The following LUZP2 variants were observed in gnomAD, a reference collection of about 807,000 sequenced individuals.
The protein encoded by LUZP2 is leucine zipper protein 2.
LUZP2 carries 52 observed loss-of-function variants against 51.6 expected under a neutral mutation model. The observed-to-expected ratio is 1.01, with a 90% CI of 0.81 to 1.27. The LOEUF (loss-of-function observed/expected upper bound fraction) is 1.27, where lower values mean the gene tolerates loss of function less well. Ranked by LOEUF, LUZP2 falls within the 50% of genes most tolerant of loss-of-function variation. LUZP2 has a pLI of 0.00. For synonymous variants in LUZP2, 154 were observed against 137.3 expected, an observed-to-expected ratio of 1.12 and a Z score of -0.85; for missense variants, 436 against 395.4, an observed-to-expected ratio of 1.10 and a Z score of -0.87.
chr11:24,816,089 C>G (rs180698214), intron 5 of LUZP2, among the ~76,000 whole-genome samples: 9 of 149,664 alleles, frequency 6.0e-5, no homozygotes, highest in Admixed American at 4.7e-4. Context: ...CCTTAGTTTT[C>G]TTTGTATAAG....
intron 4 of LUZP2, among the ~76,000 whole-genome samples, chr11:24,761,693 A>G (rs1042362339): frequency 6.6e-6 from 1 of 152,164 alleles, no homozygotes; most frequent in African/African-American, 2.4e-5. Flanking sequence ...CTTCACCTTG[A>G]TTAATTTAGT....
At chr11:24,730,508 A>G (rs1858675186) in intron 2 of LUZP2, among the ~76,000 whole-genome samples, 1 of 151,832 alleles carries the variant, frequency 6.6e-6, no homozygotes. Flanking sequence ...TGCACAGAGC[A>G]TTAGGGAAAA....
intron 7 of LUZP2, among the ~76,000 whole-genome samples, chr11:24,917,192 CT>C (rs1853816763): frequency 6.6e-6 from 1 of 151,864 alleles, no homozygotes; most frequent in Admixed American, 6.6e-5. Context: ...TTGTTTTTTT[CT>C]TGTAAATTTG....
intron 1 of LUZP2, among the ~76,000 whole-genome samples, chr11:24,515,794 G>A (rs1850446101): frequency 1.3e-5 from 2 of 152,140 alleles, no homozygotes; most frequent in African/African-American, 4.8e-5. Flanking sequence ...AAAACAGCAG[G>A]CTCTGTGCAT....
chr11:24,629,708 C>G (rs1290779650), intron 1 of LUZP2, among the ~76,000 whole-genome samples: 3 of 151,602 alleles, frequency 2.0e-5, no homozygotes, highest in African/African-American at 4.8e-5. Context: ...TGGATAGATA[C>G]CCAGTAGTGG....
chr11:24,591,863 C>A (rs1853272837), intron 1 of LUZP2, among the ~76,000 whole-genome samples: 1 of 152,134 alleles, frequency 6.6e-6, no homozygotes, highest in African/African-American at 2.4e-5. Flanking sequence ...ATATGCATTT[C>A]TAAGATATTC....
At chr11:24,624,483 A>G (rs1590258216) in intron 1 of LUZP2, among the ~76,000 whole-genome samples, 1 of 152,192 alleles carries the variant, frequency 6.6e-6, no homozygotes, top group Non-Finnish European at 1.5e-5. Flanking sequence ...AAGTCAAAGT[A>G]TAAAACATAT....
intron 5 of LUZP2, among the ~76,000 whole-genome samples, chr11:24,887,633 G>T (rs972549759): frequency 2.6e-5 from 4 of 152,152 alleles, no homozygotes; most frequent in African/African-American, 4.8e-5. Flanking sequence ...CCCTAGTTCT[G>T]ACATGAGAAA....
At position 25,030,930 on chromosome 11, in the gene LUZP2, AATATATAT is replaced by A. The variant is rs1857641857; in HGVS notation, c.766-19107_766-19100del. Among the ~76,000 whole-genome samples, 20 of 7,460 alleles carry A rather than the reference AATATATAT, an allele frequency of 2.7e-3. 5 individuals are homozygous for A. Among genetic ancestry groups the A allele is most frequent in the Middle Eastern group, 0.091 (2 of 22 alleles). 4.9% of individuals were successfully genotyped at this position (7,460 alleles called of 152,430 possible). A position where few individuals can be genotyped will look rare whatever the true frequency, so the allele number is the denominator to read the frequency against. On this transcript the variant is annotated intron_variant, in intron 9 of 11. Transcript: ENST00000336930. Reference sequence around the variant, plus strand: ...AATATATATTGTATTATATATATATAATATATATTATATATATTATATATATAATACAA... The same window carrying A: ...AATATATATTGTATTATATATATATATATATATATTATATATATAATACAA...
intron 9 of LUZP2, among the ~76,000 whole-genome samples, chr11:25,049,563 G>A (rs1241749334): frequency 6.6e-6 from 1 of 151,946 alleles, no homozygotes; most frequent in Non-Finnish European, 1.5e-5. Context: ...TGATTAGTTA[G>A]TATACATATT....
intron 9 of LUZP2, among the ~76,000 whole-genome samples, chr11:25,043,400 G>A (rs919410046): frequency 6.6e-5 from 10 of 151,976 alleles, no homozygotes; most frequent in African/African-American, 2.2e-4. Flanking sequence ...ATCTTCAAGC[G>A]ATAGCTGTGT....
At chr11:24,498,832 A>G (rs1470212964) in intron 1 of LUZP2, among the ~76,000 whole-genome samples, 1 of 151,686 alleles carries the variant, frequency 6.6e-6, no homozygotes, top group Non-Finnish European at 1.5e-5. Context: ...CAGTCAACAC[A>G]TGCATAAATA....
intron 1 of LUZP2, among the ~76,000 whole-genome samples, chr11:24,723,503 T>C (rs1858356253): frequency 6.6e-6 from 1 of 152,194 alleles, no homozygotes; most frequent in Non-Finnish European, 1.5e-5. Flanking sequence ...GCTGTACAGT[T>C]ATTCACCACT....
chr11:24,900,458 C>T (rs1419637323), intron 5 of LUZP2, among the ~76,000 whole-genome samples: 4 of 152,112 alleles, frequency 2.6e-5, no homozygotes, highest in African/African-American at 7.2e-5. Flanking sequence ...TGCAGATTTC[C>T]ATTCATCTAA....
At chr11:24,853,496 G>T (rs2631451) in intron 5 of LUZP2, among the ~76,000 whole-genome samples, 23,016 of 151,898 alleles carry the variant, frequency 0.15, 1,895 homozygotes, top group African/African-American at 0.2. Flanking sequence ...TTCTATAAAT[G>T]GGTTACTCTA....
chr11:24,777,937 A>G (rs557377065), intron 5 of LUZP2, among the ~76,000 whole-genome samples: 1 of 152,048 alleles, frequency 6.6e-6, no homozygotes, highest in African/African-American at 2.4e-5. Flanking sequence ...TTTTAATATT[A>G]TATCTTCTCC....
At chr11:24,627,175 G>A (rs964646562) in intron 1 of LUZP2, among the ~76,000 whole-genome samples, 3 of 152,146 alleles carry the variant, frequency 2.0e-5, no homozygotes, top group Non-Finnish European at 4.4e-5. Context: ...AAATATGTAA[G>A]ATGTTTCTTT....
At chr11:24,910,182 A>G (rs1311132885) in intron 6 of LUZP2, among the ~76,000 whole-genome samples, 1 of 152,184 alleles carries the variant, frequency 6.6e-6, no homozygotes, top group East Asian at 1.9e-4. Context: ...GAAATTCATA[A>G]GCAGCAAAGT....
intron 9 of LUZP2, among the ~76,000 whole-genome samples, chr11:24,996,272 C>T (rs79671932): frequency 0.035 from 5,328 of 150,824 alleles, 287 homozygotes; most frequent in African/African-American, 0.12. Context: ...ATAAATAATA[C>T]GTTTCTCTCT....
Sources: gnomAD v4.1 joint callset for allele counts (sites outside exome capture counted in the v4.1 genomes callset) on GRCh38, gnomAD v4.1.1 for gene constraint, MANE v1.5 for transcripts, NCBI Gene and HGNC (gene_info 2026-07-23, HGNC 2026-07-21) for gene names.